Variants in PHLDB2 observed in about 807,000 individuals in gnomAD.
PHLDB2 encodes the protein pleckstrin homology-like domain family B member 2.
A neutral mutation model predicts 123.6 loss-of-function variants in PHLDB2; 71 were observed. The observed-to-expected ratio is 0.57, with a 90% confidence interval of 0.47 to 0.70. The LOEUF (loss-of-function observed/expected upper bound fraction) is 0.70, where lower values mean the gene tolerates loss of function less well. Among genes scored for constraint, PHLDB2 ranks in the 30% least tolerant of loss-of-function variants. The pLI is 0.00. For synonymous variants in PHLDB2, 547 were observed against 541.6 expected (o/e 1.01, Z -0.14); for missense variants, 1,446 against 1,519.5 (o/e 0.95, Z 0.80).
At chr3:111,742,343 G>A (rs1289881845) in intron 1 of PHLDB2, among the ~76,000 whole-genome samples, 2 of 151,834 alleles carry the variant, frequency 1.3e-5, no homozygotes, top group Non-Finnish European at 2.9e-5. Context: ...TAAATTCTAG[G>A]GTACATGTGC....
At chr3:111,965,580 A>G (rs1165256535) in intron 13 of PHLDB2, among the ~76,000 whole-genome samples, 1 of 152,244 alleles carries the variant, frequency 6.6e-6, no homozygotes, top group Non-Finnish European at 1.5e-5. Context: ...TCTAACAAAC[A>G]TGTATCCCTA....
At chr3:111,857,075 G>C (rs1305322360), upstream of PHLDB2, among the ~76,000 whole-genome samples, 1 of 152,084 alleles carries the variant, frequency 6.6e-6, no homozygotes, top group Non-Finnish European at 1.5e-5. Context: ...AGGGCAATTA[G>C]AACAAAGGCC....
At chr3:111,892,163 A>T (rs530489254) in intron 2 of PHLDB2, among the ~76,000 whole-genome samples, 1 of 152,208 alleles carries the variant, frequency 6.6e-6, no homozygotes, top group Non-Finnish European at 1.5e-5. Context: ...TTTTACACAC[A>T]TACGAATTTT....
intron 13 of PHLDB2, among the ~76,000 whole-genome samples, chr3:111,965,553 A>AT (rs1037753199): frequency 6.6e-6 from 1 of 152,200 alleles, no homozygotes; most frequent in Non-Finnish European, 1.5e-5. Context: ...TAATGAATTT[A>AT]TTTTTATATG....
At chr3:111,851,139 G>A (rs1390128793) in intron 2 of PHLDB2, among the ~76,000 whole-genome samples, 1 of 146,562 alleles carries the variant, frequency 6.8e-6, no homozygotes, top group Non-Finnish European at 1.5e-5. Flanking sequence ...AGCTTGCAGT[G>A]AGCCGAGATC....
chr3:111,768,098 T>C (rs750734683), intron 1 of PHLDB2, among the ~76,000 whole-genome samples: 1 of 152,184 alleles, frequency 6.6e-6, no homozygotes, highest in Non-Finnish European at 1.5e-5. Context: ...TAGCCACAAA[T>C]AGGGGAGTTT....
chr3:111,920,655 T>G (rs2068444466), intron 5 of PHLDB2, among the ~76,000 whole-genome samples: 1 of 152,226 alleles, frequency 6.6e-6, no homozygotes, highest in African/African-American at 2.4e-5. Context: ...CCGATATTCC[T>G]GGCAGCTTTA....
intron 2 of PHLDB2, among the ~76,000 whole-genome samples, chr3:111,898,632 T>A (rs2067015709): frequency 1.3e-5 from 2 of 152,224 alleles, no homozygotes; most frequent in South Asian, 4.1e-4. Context: ...GTCCTCTCAG[T>A]CCCTGCCACT....
chr3:111,738,372 T>C lies in PHLDB2; in HGVS notation c.-49+5669T>C, dbSNP rs574480262. ...TTCTCTGTGGCTTTATGCCAATTTT[T>C]ACACATCTTGGGGATGGCTTAGTTT... On this transcript the variant is annotated intron_variant, in intron 1 of 17. Coordinates refer to the PHLDB2 transcript ENST00000393923. Among the ~76,000 whole-genome samples the C allele has an allele frequency of 2.0e-5, 3 of 152,354 alleles. No homozygotes were observed. In the South Asian group the frequency reaches 6.2e-4, roughly 32 times the overall value.
In PHLDB2 at chr3:111,884,553, A is replaced by G. The variant is rs1251437055; in HGVS notation, c.476A>G (p.Asp159Gly). ...TATAGCTCAAGGCATAAATCGCATG[A>G]CAATGTCTACTCTCTTGGAGGGCTG... ...SKYSSRHKSH[D>G]NVYSLGGLEG... The change falls in exon 2 of 18, where the codon GAC becomes GGC. Residue 159 changes from aspartate to glycine, a missense_variant. By Grantham distance (94) the Asp-to-Gly change is moderately conservative. Transcript: ENST00000431670. The G allele has an allele frequency of 3.1e-6, 5 of 1,614,006 alleles. No homozygotes were observed. The highest frequency in any genetic ancestry group is 4.5e-5 in the East Asian group (2 of 44,872).
chr3:111,847,091 T>C (rs1278363494), intron 2 of PHLDB2, among the ~76,000 whole-genome samples: 3 of 152,180 alleles, frequency 2.0e-5, no homozygotes, highest in Non-Finnish European at 1.5e-5. Context: ...GACAAGCTAT[T>C]AGGTGGGAAA....
rs538523645 is a variant in PHLDB2, at chr3:111,952,474, A to G, written c.2632-98A>G. 7.2e-6 allele frequency: 10 copies of G among 1,380,360 alleles called. No individual in the cohort carries two copies. In the East Asian group the frequency reaches 2.3e-4, roughly 32 times the overall value. 85.5% of individuals were successfully genotyped at this position (1,380,360 alleles called of 1,614,324 possible). ...TAACTTTAAGAAAAATTCTGTTAAA[A>G]TTCCAGTTTTTTTTGTAAGTGCATA... On this transcript the variant is annotated intron_variant, in intron 10 of 17. Coordinates refer to ENST00000431670, the MANE Select transcript of PHLDB2 (RefSeq NM_001134438.2).
chr3:111,840,503 T>G (rs958681009), intron 1 of PHLDB2, among the ~76,000 whole-genome samples: 1 of 152,190 alleles, frequency 6.6e-6, no homozygotes, highest in African/African-American at 2.4e-5. Flanking sequence ...GGATAATGGC[T>G]TGTAGTCTTG....
At position 111,859,404 on chromosome 3, in the gene PHLDB2, C is replaced by G. The variant is rs1022420993; in HGVS notation, c.-187C>G. 2 of 985,576 alleles carry G rather than the reference C, an allele frequency of 2.0e-6. No individual in the cohort carries two copies. Among genetic ancestry groups the G allele is most frequent in the Non-Finnish European group, 1.2e-6 (1 of 830,150 alleles). The allele number at this position is 985,576 out of a possible 1,614,324, so 61.1% of individuals were successfully genotyped here. A position where few individuals can be genotyped will look rare whatever the true frequency, so the allele number is the denominator to read the frequency against. On this transcript the variant is annotated 5_prime_UTR_variant, in exon 1 of 18. Coordinates refer to ENST00000431670, the MANE Select transcript of PHLDB2 (RefSeq NM_001134438.2). ...GGTCACCAACTTCGTTGCTCGAACT[C>G]CCTGGGTGCCCGCCGCGGTGGTTAC...
chr3:111,825,506 AGCACCATCTC>A (rs1333175612), intron 1 of PHLDB2, among the ~76,000 whole-genome samples: 1 of 152,232 alleles, frequency 6.6e-6, no homozygotes, highest in East Asian at 1.9e-4. Flanking sequence ...GGGGTGCAGT[AGCACCATCTC>A]GGCTCATGGG....
At chr3:111,810,444 G>A (rs1231274992) in intron 1 of PHLDB2, among the ~76,000 whole-genome samples, 1 of 152,050 alleles carries the variant, frequency 6.6e-6, no homozygotes, top group African/African-American at 2.4e-5. Context: ...ATTTCCGGTG[G>A]GAGCCCTCTT....
intron 1 of PHLDB2, among the ~76,000 whole-genome samples, chr3:111,870,350 G>A (rs1193144082): frequency 6.6e-6 from 1 of 152,142 alleles, no homozygotes; most frequent in Non-Finnish European, 1.5e-5. Context: ...ATATAAGAAT[G>A]CAAGGAAATA....
chr3:111,761,472 GAACAAATCCT>G (rs2059993217), intron 1 of PHLDB2, among the ~76,000 whole-genome samples: 1 of 152,186 alleles, frequency 6.6e-6, no homozygotes, highest in Non-Finnish European at 1.5e-5. Flanking sequence ...GATGGGACGT[GAACAAATCCT>G]TCATCCTAAA....
At chr3:111,855,012 T>A (rs1282983), upstream of PHLDB2, among the ~76,000 whole-genome samples, 149,534 of 152,268 alleles carry the variant, frequency 0.98, 73,474 homozygotes, top group Middle Eastern at 1. Context: ...ATTTAAGGTA[T>A]CAGTAGATAA....
Sources: allele counts gnomAD v4.1 joint callset (sites outside exome capture counted in the v4.1 genomes callset), GRCh38; gene constraint gnomAD v4.1.1; transcripts MANE v1.5; gene names NCBI Gene and HGNC (gene_info 2026-07-23, HGNC 2026-07-21).